Variants in IGSF21 observed in about 807,000 individuals in gnomAD.
IGSF21 encodes immunoglobulin superfamily member 21.
A neutral mutation model predicts 46.8 loss-of-function variants in IGSF21; 28 were observed. The ratio of observed to expected loss-of-function variants is 0.60; its 90% CI spans 0.44 to 0.82. The LOEUF (loss-of-function observed/expected upper bound fraction) is 0.82, where lower values mean the gene tolerates loss of function less well. Ranked by LOEUF, IGSF21 falls within the 40% of genes least tolerant of loss-of-function variation. The pLI is 0.00. For missense variants in IGSF21, 624 were observed against 665.5 expected (o/e 0.94, Z 0.69); for synonymous variants, 284 against 273.6 (o/e 1.04, Z -0.38).
chr1:18,143,113 C>T (rs1209464306), intron 1 of IGSF21, among the ~76,000 whole-genome samples: 2 of 152,232 alleles, frequency 1.3e-5, no homozygotes, highest in Admixed American at 6.5e-5. Context: ...TGCGGTTCAG[C>T]TTCCAAGGCT....
intron 1 of IGSF21, among the ~76,000 whole-genome samples, chr1:18,156,359 C>T (rs2086567922): frequency 6.6e-6 from 1 of 152,222 alleles, no homozygotes; most frequent in African/African-American, 2.4e-5. Context: ...CAACCTCACA[C>T]TTCATGCCCA....
intron 1 of IGSF21, 47 bp from the exon 2 acceptor site, chr1:18,227,851 T>A: frequency 7.0e-7 from 1 of 1,430,352 alleles, no homozygotes; most frequent in Non-Finnish European, 9.9e-7. Context: ...GCCCAGCCCC[T>A]CTGATCTGCT....
intron 3 of IGSF21, among the ~76,000 whole-genome samples, chr1:18,309,102 C>T (rs2085455683): frequency 6.6e-6 from 1 of 151,924 alleles, no homozygotes; most frequent in Non-Finnish European, 1.5e-5. Flanking sequence ...CAGCTTGCCC[C>T]GAGCAGAGCC....
chr1:18,235,742 G>A (rs2084666995), intron 2 of IGSF21, among the ~76,000 whole-genome samples: 2 of 152,222 alleles, frequency 1.3e-5, no homozygotes, highest in Admixed American at 1.3e-4. Context: ...GAAGCATTGA[G>A]TTTAAGCAGA....
rs1257580928 is a variant in IGSF21 at position 18,169,336 on chromosome 1, A to T, written c.71-58562A>T. On this transcript the variant is annotated intron_variant, in intron 1 of 9. Coordinates refer to ENST00000251296, the MANE Select transcript of IGSF21 (RefSeq NM_032880.5). ...GGAAGTGGGGCCCCTGTGCTTGGGGAATTCCACTCATGCCTGGGAGTGGTT... is the reference window on the plus strand; with the variant it reads ...GGAAGTGGGGCCCCTGTGCTTGGGGTATTCCACTCATGCCTGGGAGTGGTT... Among the ~76,000 whole-genome samples, 3 of 152,168 alleles carry T rather than the reference A, an allele frequency of 2.0e-5. No individual in the cohort carries two copies. In the East Asian group the frequency reaches 5.8e-4, roughly 29 times the overall value.
At chr1:18,301,020 G>A (rs2085355871) in intron 3 of IGSF21, among the ~76,000 whole-genome samples, 1 of 152,214 alleles carries the variant, frequency 6.6e-6, no homozygotes, top group Admixed American at 6.5e-5. Flanking sequence ...TCAATGGGCT[G>A]AAGGGTTGTA....
chr1:18,210,674 G>A (rs1041537125), intron 1 of IGSF21, among the ~76,000 whole-genome samples: 1 of 152,036 alleles, frequency 6.6e-6, no homozygotes, highest in Non-Finnish European at 1.5e-5. Context: ...GATGACTCTT[G>A]GTTGTGGGGC....
intron 1 of IGSF21, among the ~76,000 whole-genome samples, chr1:18,143,772 G>A (rs2124427578): frequency 1.3e-5 from 2 of 152,270 alleles, no homozygotes; most frequent in East Asian, 3.9e-4. Context: ...CTCTGTTAAA[G>A]GGTTCTAAAG....
intron 1 of IGSF21, among the ~76,000 whole-genome samples, chr1:18,197,334 C>T (rs1368156114): frequency 1.3e-5 from 2 of 152,178 alleles, no homozygotes; most frequent in African/African-American, 4.8e-5. Context: ...CCCTTGGATG[C>T]ACAAGGTACA....
chr1:18,338,225 G>A (rs903714486), intron 4 of IGSF21, among the ~76,000 whole-genome samples: 4 of 152,154 alleles, frequency 2.6e-5, no homozygotes, highest in Admixed American at 6.5e-5. Flanking sequence ...AATAGTAGTC[G>A]GGTCAGTTAC....
At chr1:18,133,821 A>G (rs1474433414) in intron 1 of IGSF21, among the ~76,000 whole-genome samples, 1 of 152,268 alleles carries the variant, frequency 6.6e-6, no homozygotes, top group Non-Finnish European at 1.5e-5. Flanking sequence ...TGGTCACTGC[A>G]GGCACGTTGT....
rs540035109 is a variant in IGSF21, at chr1:18,130,093, C to T, written c.70+21895C>T. 1.4e-4 allele frequency among the ~76,000 whole-genome samples: 21 copies of T among 152,254 alleles called. No individual in the cohort carries two copies. The South Asian group carries it at 1.5e-3, about 11-fold the overall frequency. On this transcript the variant is annotated intron_variant, in intron 1 of 9. Transcript: ENST00000251296. ...GGTAAACAGACTTGCTGAGTATGGG[C>T]GGCACCAGGACTTGGTCCTACCTCT...
At chr1:18,135,532 A>G (rs1297591779) in intron 1 of IGSF21, among the ~76,000 whole-genome samples, 2 of 151,278 alleles carry the variant, frequency 1.3e-5, no homozygotes, top group Non-Finnish European at 2.9e-5. Context: ...TGTCCTTGCG[A>G]TAGTTTGCTG....
chr1:18,145,705 C>T (rs1233205278), intron 1 of IGSF21, among the ~76,000 whole-genome samples: 1 of 152,172 alleles, frequency 6.6e-6, no homozygotes, highest in Admixed American at 6.5e-5. Context: ...AATGCCATCC[C>T]TCATGTCGGC....
rs61689671 is a variant in IGSF21 at position 18,378,369 on chromosome 1, C to A, written c.*43C>A. 1 of 1,473,660 alleles carries A rather than the reference C, an allele frequency of 6.8e-7. No homozygotes were observed. The highest frequency in any genetic ancestry group is 2.3e-5 in the East Asian group (1 of 43,892). 91.3% of individuals were successfully genotyped at this position (1,473,660 alleles called of 1,614,324 possible). ...ACTCCATCAGGCACTGACATCTCCACGACCGGTTTTCATTTCTTTTCTAAA... is the reference window on the plus strand; with the variant it reads ...ACTCCATCAGGCACTGACATCTCCAAGACCGGTTTTCATTTCTTTTCTAAA... On this transcript the variant is annotated 3_prime_UTR_variant, in exon 10 of 10. Transcript: ENST00000251296.
At chr1:18,343,675 C>T (rs1414496148) in intron 4 of IGSF21, among the ~76,000 whole-genome samples, 1 of 152,188 alleles carries the variant, frequency 6.6e-6, no homozygotes, top group Admixed American at 6.5e-5. Context: ...GTCTGGTTGT[C>T]CCAGCACCAT....
chr1:18,128,135 G>A (rs760081946), intron 1 of IGSF21, among the ~76,000 whole-genome samples: 36 of 152,184 alleles, frequency 2.4e-4, no homozygotes, highest in Non-Finnish European at 4.4e-4. Context: ...GTCTCCTACT[G>A]TGTGCCTGGG....
At chr1:18,274,693 G>T (rs558408572) in intron 2 of IGSF21, among the ~76,000 whole-genome samples, 5 of 152,208 alleles carry the variant, frequency 3.3e-5, no homozygotes, top group Admixed American at 6.5e-5. Context: ...TCAGGCCAAG[G>T]AAAGGCCCAG....
chr1:18,272,340 C>T (rs188593451), intron 2 of IGSF21, among the ~76,000 whole-genome samples: 3 of 152,084 alleles, frequency 2.0e-5, no homozygotes, highest in East Asian at 1.9e-4. Context: ...GGGGACACAG[C>T]GAAGCCATAT....
Sources: gnomAD v4.1 joint callset for allele counts (sites outside exome capture counted in the v4.1 genomes callset) on GRCh38, gnomAD v4.1.1 for gene constraint, MANE v1.5 for transcripts, NCBI Gene and HGNC (gene_info 2026-07-23, HGNC 2026-07-21) for gene names.